MTUS2: variants seen among roughly 807,000 people sequenced by gnomAD.
MTUS2 encodes microtubule associated scaffold protein 2, also known as microtubule-associated tumor suppressor candidate 2.
Under a neutral mutation model 114.1 loss-of-function variants are expected in MTUS2, and 40 were observed. That is an observed-to-expected ratio of 0.35 (90% confidence interval 0.27 to 0.46). MTUS2 has a LOEUF of 0.46. MTUS2 is among the 20% of genes least tolerant of loss of function. The pLI, the probability that MTUS2 is intolerant of heterozygous loss-of-function variation, is 1.00. For synonymous variants in MTUS2, 688 were observed against 672.0 expected, an observed-to-expected ratio of 1.02 and a Z score of -0.37; for missense variants, 1,679 against 1,705.4, an observed-to-expected ratio of 0.98 and a Z score of 0.27.
intron 2 of MTUS2, among the ~76,000 whole-genome samples, chr13:28,928,296 C>A (rs1881432219): frequency 6.6e-6 from 1 of 152,086 alleles, no homozygotes; most frequent in African/African-American, 2.4e-5. Flanking sequence ...GCAAGGGAAA[C>A]AAGCAACATA....
intron 8 of MTUS2, among the ~76,000 whole-genome samples, chr13:29,375,553 ATATACGTATATATAT>A (rs1871573245): frequency 2.8e-5 from 1 of 35,802 alleles, no homozygotes; most frequent in African/African-American, 2.0e-4. Context: ...ATATATATAT[ATATACGTATATATAT>A]ATATACATAT....
At chr13:29,427,836 C>A (rs1425354868) in intron 8 of MTUS2, among the ~76,000 whole-genome samples, 1 of 152,182 alleles carries the variant, frequency 6.6e-6, no homozygotes, top group Non-Finnish European at 1.5e-5. Flanking sequence ...GGTATCAGGG[C>A]ATATAAAATC....
Position 29,331,111 on chromosome 13 carries a change from T to C in MTUS2, c.2905+6400T>C, listed in dbSNP as rs188320523. Among the ~76,000 whole-genome samples, 45 of 152,348 alleles carry C rather than the reference T, an allele frequency of 3.0e-4. No homozygotes were observed. The East Asian group carries it at 7.1e-3, about 24-fold the overall frequency. On this transcript the variant is annotated intron_variant, in intron 7 of 15. Transcript: ENST00000612955. The stretch of plus-strand genomic sequence containing the variant: ...TTTGTTTGTGTCCTCTCTTATTTCA[T>C]TGGGCAGTGGTTTGTAGTTCTCCTT...
chr13:28,996,432 T>C (rs1294077805), intron 2 of MTUS2, among the ~76,000 whole-genome samples: 1 of 152,198 alleles, frequency 6.6e-6, no homozygotes, highest in African/African-American at 2.4e-5. Flanking sequence ...TAGGGAGGAT[T>C]CCCTCTTTTT....
rs1022814746 is a variant in MTUS2 at position 29,024,504 on chromosome 13, G to C, written c.-195G>C. 231 of 628,674 alleles carry C rather than the reference G, an allele frequency of 3.7e-4. 1 individual carries two copies. The highest frequency in any genetic ancestry group is 8.1e-5 in the Non-Finnish European group (30 of 368,134). 38.9% of individuals were successfully genotyped at this position (628,674 alleles called of 1,614,324 possible). A position where few individuals can be genotyped will look rare whatever the true frequency, so the allele number is the denominator to read the frequency against. ...CATTCAGCAGGAACCTAACAGATAA[G>C]TCTTCCTGCTGTATATCAAGACAAT... On this transcript the variant is annotated 5_prime_UTR_variant, in exon 3 of 16. Transcript: ENST00000612955.
chr13:29,407,386 C>G (rs1874842628), intron 8 of MTUS2, among the ~76,000 whole-genome samples: 2 of 152,086 alleles, frequency 1.3e-5, no homozygotes, highest in African/African-American at 2.4e-5. Flanking sequence ...ATTACTGATT[C>G]AAAGTGTGCA....
intron 8 of MTUS2, among the ~76,000 whole-genome samples, chr13:29,414,852 G>A (rs995330106): frequency 2.0e-5 from 3 of 151,360 alleles, no homozygotes; most frequent in African/African-American, 7.3e-5. Flanking sequence ...TTATTTTGTT[G>A]TATTCTAGTT....
At chr13:29,461,466 C>G (rs1879488236) in intron 9 of MTUS2, among the ~76,000 whole-genome samples, 1 of 152,194 alleles carries the variant, frequency 6.6e-6, no homozygotes. Context: ...AGCAACCCTA[C>G]AGTATACAAA....
intron 2 of MTUS2, among the ~76,000 whole-genome samples, chr13:28,992,548 C>T (rs1433658651): frequency 6.6e-6 from 1 of 152,122 alleles, no homozygotes; most frequent in Non-Finnish European, 1.5e-5. Context: ...CCCACACTTG[C>T]ATACTTCCAG....
chr13:29,118,509 A>G (rs1168870814), intron 5 of MTUS2, among the ~76,000 whole-genome samples: 2 of 152,172 alleles, frequency 1.3e-5, no homozygotes, highest in Non-Finnish European at 2.9e-5. Flanking sequence ...ACAACATATT[A>G]ATAAATTGGC....
chr13:29,000,087 G>A lies in MTUS2; in HGVS notation c.-242-24370G>A, dbSNP rs113716517. ...GAATAGCACTGCAGTAAACTTGGGA[G>A]AGTAGATATGTTTTTGACGTATTGC... On this transcript the variant is annotated intron_variant, in intron 2 of 15. Transcript: ENST00000612955. Among the ~76,000 whole-genome samples the A allele has an allele frequency of 3.0e-3, 461 of 152,318 alleles. 2 individuals are homozygous for A. Among genetic ancestry groups the A allele is most frequent in the African/African-American group, 0.011 (438 of 41,564 alleles).
chr13:28,858,505 T>G (rs549991586), intron 2 of MTUS2, among the ~76,000 whole-genome samples: 136 of 152,282 alleles, frequency 8.9e-4, no homozygotes, highest in African/African-American at 3.1e-3. Context: ...GGCAGAACAT[T>G]GTTGTCATTA....
chr13:28,956,137 A>T (rs547121263), intron 2 of MTUS2, among the ~76,000 whole-genome samples: 2 of 144,126 alleles, frequency 1.4e-5, no homozygotes, highest in Non-Finnish European at 3.0e-5. Context: ...TAGCTCCCAC[A>T]TACCAGTGAG....
At chr13:29,270,241 G>A (rs981521754) in intron 5 of MTUS2, among the ~76,000 whole-genome samples, 17 of 152,090 alleles carry the variant, frequency 1.1e-4, no homozygotes, top group African/African-American at 4.1e-4. Context: ...CCTACCACAG[G>A]GACCTGCTAG....
At chr13:29,077,182 C>T (rs1889229610) in intron 4 of MTUS2, among the ~76,000 whole-genome samples, 1 of 152,140 alleles carries the variant, frequency 6.6e-6, no homozygotes, top group African/African-American at 2.4e-5. Flanking sequence ...TTTGGGAGAG[C>T]TGTAGCCCTA....
chr13:28,846,199 G>C (rs1371096371), intron 2 of MTUS2, among the ~76,000 whole-genome samples: 1 of 151,968 alleles, frequency 6.6e-6, no homozygotes, highest in Admixed American at 6.6e-5. Context: ...GAACTAGTTT[G>C]TTAATGAACG....
At chr13:28,827,592 G>A (rs1029609545) in intron 1 of MTUS2, among the ~76,000 whole-genome samples, 30 of 152,030 alleles carry the variant, frequency 2.0e-4, no homozygotes, top group African/African-American at 6.3e-4. Context: ...CTTCAGTATC[G>A]GGGGAAATTC....
intron 5 of MTUS2, among the ~76,000 whole-genome samples, chr13:29,227,683 G>C (rs1017695954): frequency 6.6e-6 from 1 of 152,210 alleles, no homozygotes; most frequent in Admixed American, 6.5e-5. Flanking sequence ...CTCTGAGAGG[G>C]AAGTTACTTT....
At chr13:29,256,096 A>G (rs755531114) in intron 5 of MTUS2, among the ~76,000 whole-genome samples, 45 of 152,228 alleles carry the variant, frequency 3.0e-4, no homozygotes, top group Admixed American at 2.9e-3. Context: ...CCCAGGCGGT[A>G]TGACAGTGGC....
Sources: allele counts gnomAD v4.1 joint callset (sites outside exome capture counted in the v4.1 genomes callset), GRCh38; gene constraint gnomAD v4.1.1; transcripts MANE v1.5; gene names NCBI Gene and HGNC (gene_info 2026-07-23, HGNC 2026-07-21).